TTLL10: variants seen among roughly 807,000 people sequenced by gnomAD.
The protein encoded by TTLL10 is tubulin tyrosine ligase like 10, also known as inactive polyglycylase TTLL10.
Under a neutral mutation model 69.0 loss-of-function variants are expected in TTLL10, and 61 were observed. The observed-to-expected ratio is 0.88, with a 90% confidence interval of 0.72 to 1.09. The LOEUF (loss-of-function observed/expected upper bound fraction) is 1.09, where lower values mean the gene tolerates loss of function less well. Among genes scored for constraint, TTLL10 ranks in the 50% least tolerant of loss-of-function variants. TTLL10 has a pLI of 0.00. For missense variants in TTLL10, 962 were observed against 945.9 expected (o/e 1.02, Z -0.22); for synonymous variants, 408 against 393.3 (o/e 1.04, Z -0.44).
Position 1,181,914 on chromosome 1 carries a change from A to C in TTLL10, c.830+99A>C. ...GAAAGCGGGGCGGGGGTCCCACACAAAGGAAAACCACGAGCTAGAGTCAGA... is the reference window on the plus strand; with the variant it reads ...GAAAGCGGGGCGGGGGTCCCACACACAGGAAAACCACGAGCTAGAGTCAGA... On this transcript the variant is annotated intron_variant, in intron 9 of 15. Coordinates refer to ENST00000379289, the MANE Select transcript of TTLL10 (RefSeq NM_001130045.2). This position sits in a 1 kb window ranked among gnomAD's most constrained non-coding sequence, Gnocchi z 4.6. 1 of 1,131,706 alleles carries C rather than the reference A, an allele frequency of 8.8e-7. No individual in the cohort carries two copies. The highest frequency in any genetic ancestry group is 1.3e-6 in the Non-Finnish European group (1 of 780,736). The allele number at this position is 1,131,706 out of a possible 1,614,324, so 70.1% of individuals were successfully genotyped here.
chr1:1,197,067 G>A (rs2100927568), intron 14 of TTLL10, 26 bp from the exon 15 acceptor site: 2 of 1,550,414 alleles, frequency 1.3e-6, no homozygotes, highest in Non-Finnish European at 1.7e-6. Flanking sequence ...TCGGGGTGAG[G>A]AGGGACTGAC....
At chr1:1,184,729 T>A (rs1483564655) in intron 12 of TTLL10, among the ~76,000 whole-genome samples, 1 of 141,406 alleles carries the variant, frequency 7.1e-6, no homozygotes, top group Non-Finnish European at 1.5e-5. Context: ...TGGGAGCCAG[T>A]CTCCAGGCAC....
Position 1,179,920 on chromosome 1 carries a change from G to A in TTLL10, c.200-114G>A, listed in dbSNP as rs903219030. Reference sequence around the variant, plus strand: ...CTGAACTTGAGCCCCAGACGGGCCAGGGGGATTGTCCAGGGTATTGGAGAA... The same window carrying A: ...CTGAACTTGAGCCCCAGACGGGCCAAGGGGATTGTCCAGGGTATTGGAGAA... On this transcript the variant is annotated intron_variant, in intron 5 of 15. Coordinates refer to ENST00000379289, the MANE Select transcript of TTLL10 (RefSeq NM_001130045.2). 2.1e-6 allele frequency: 3 copies of A among 1,438,846 alleles called. No individual in the cohort carries two copies. The African/African-American group carries it at 4.3e-5, about 21-fold the overall frequency. The allele number at this position is 1,438,846 out of a possible 1,614,324, so 89.1% of individuals were successfully genotyped here.
chr1:1,189,968 T>C (rs12029885), intron 13 of TTLL10, among the ~76,000 whole-genome samples: 21,354 of 151,782 alleles, frequency 0.14, 2,569 homozygotes, highest in East Asian at 0.59. Flanking sequence ...AAAAATTAGC[T>C]GGGCGTGGTG....
In TTLL10 at chr1:1,180,074, G is replaced by A. The variant is rs11811498; in HGVS notation, c.240G>A (p.Glu80=). ...GGCCAATGGGGAGCAGCCAGGAGGAGGGACTCCGGTGTCAGCCAAGCCAGC... is the reference window on the plus strand; with the variant it reads ...GGCCAATGGGGAGCAGCCAGGAGGAAGGACTCCGGTGTCAGCCAAGCCAGC... ...HERPMGSSQE[E]GLRCQPSQPD... The change falls in exon 6 of 16, where the codon GAG becomes GAA. Residue 80 remains glutamate (E), a synonymous_variant. Transcript: ENST00000379289. 4.7e-5 allele frequency: 76 copies of A among 1,600,186 alleles called. No individual in the cohort carries two copies. The African/African-American group carries it at 8.4e-4, about 18-fold the overall frequency.
intron 13 of TTLL10, among the ~76,000 whole-genome samples, chr1:1,195,269 GTGTGAAGCCAC>G (rs1257198503): frequency 2.6e-5 from 4 of 151,438 alleles, no homozygotes; most frequent in Non-Finnish European, 5.9e-5. Flanking sequence ...GGGATTACAG[GTGTGAAGCCAC>G]TGCACCCGGC....
In TTLL10 at chr1:1,186,329, C is replaced by T. The variant is rs111966405; in HGVS notation, c.1401+1220C>T. 9.5e-3 allele frequency among the ~76,000 whole-genome samples: 1,442 copies of T among 152,192 alleles called. 26 individuals carry two copies. The highest frequency in any genetic ancestry group is 0.031 in the African/African-American group (1,274 of 41,506). ...GTCTCAAACTCCTGACCTCAGGTGA[C>T]CCGCCCGCCTCAGCCTCCCAAAGTG... is the stretch of plus-strand genomic sequence containing the variant. On this transcript the variant is annotated intron_variant, in intron 13 of 15. Transcript: ENST00000379289.
At chr1:1,183,127 G>A (rs1037445794) in intron 11 of TTLL10, 80 bp downstream of exon 11, 53 of 1,471,724 alleles carry the variant, frequency 3.6e-5, no homozygotes, top group Middle Eastern at 2.3e-4. Flanking sequence ...CAGGGCCGCC[G>A]AGGAGCCCTT....
At chr1:1,174,149 G>A (rs1330702559) in intron 1 of TTLL10, 136 bp from the exon 2 acceptor site, 4 of 152,326 alleles carry the variant, frequency 2.6e-5, no homozygotes, top group Non-Finnish European at 4.4e-5. Flanking sequence ...GCCGGGGAAC[G>A]GTGTGTGTAC....
Position 1,180,584 on chromosome 1 carries a change from ACGG to A in TTLL10, c.610_612del (p.Gly204del). 6.4e-7 allele frequency: 1 copy of A among 1,551,630 alleles called. No individual in the cohort carries two copies. Among genetic ancestry groups the A allele is most frequent in the Non-Finnish European group, 8.7e-7 (1 of 1,147,264 alleles). On this transcript the variant is annotated inframe_deletion, in exon 7 of 16. Transcript: ENST00000379289. ...TGTGAGGTCAAGAGCCGAGACAGCT[ACGG>A]CAGCTTCCGGGAAGGTAGCGGGAGC...
intron 8 of TTLL10, 34 bp downstream of exon 8, chr1:1,180,894 C>A: frequency 6.6e-7 from 1 of 1,513,556 alleles, no homozygotes; most frequent in Non-Finnish European, 8.9e-7. Context: ...CCCGTCCCTG[C>A]GCCCGCCCCT....
In TTLL10 at chr1:1,185,805, A is replaced by G; in HGVS notation, c.1401+696A>G. 10 of 985,456 alleles carry G rather than the reference A, an allele frequency of 1.0e-5. No individual in the cohort carries two copies. The highest frequency in any genetic ancestry group is 1.2e-5 in the Non-Finnish European group (10 of 829,942). 61.0% of individuals were successfully genotyped at this position (985,456 alleles called of 1,614,324 possible). A position where few individuals can be genotyped will look rare whatever the true frequency, so the allele number is the denominator to read the frequency against. On this transcript the variant is annotated intron_variant, in intron 13 of 15. Transcript: ENST00000379289. The surrounding 1 kb of genome is among the most constrained non-coding windows in gnomAD (Gnocchi z 6.1). ...AGGAGCCTCCAGTTACTTTCCTCAC[A>G]TCTCCCAAACTCTCTCTTAATTGCG...
chr1:1,194,265 C>T (rs1418896829), intron 13 of TTLL10, among the ~76,000 whole-genome samples: 1 of 152,234 alleles, frequency 6.6e-6, no homozygotes, highest in Non-Finnish European at 1.5e-5. Flanking sequence ...AAACACTCCT[C>T]CTACACAGCC....
chr1:1,196,437 G>A (rs1274301480), intron 13 of TTLL10, 163 bp from the exon 14 acceptor site: 1 of 616,696 alleles, frequency 1.6e-6, no homozygotes, highest in East Asian at 2.8e-5. Context: ...GTTTCTGGCT[G>A]TGAACCTGTG....
At chr1:1,178,119 T>C (rs1421929549) in intron 3 of TTLL10, among the ~76,000 whole-genome samples, 1 of 152,158 alleles carries the variant, frequency 6.6e-6, no homozygotes, top group Non-Finnish European at 1.5e-5. Context: ...AAAGGCTTCC[T>C]GCGGGTGAGA....
chr1:1,179,856 A>G, intron 5 of TTLL10, 119 bp downstream of exon 5: 1 of 1,446,482 alleles, frequency 6.9e-7, no homozygotes, highest in Non-Finnish European at 9.1e-7. Context: ...CCCCAGATGT[A>G]AGCAGTCCCC....
chr1:1,187,574 G>C (rs1201913255), intron 13 of TTLL10, among the ~76,000 whole-genome samples: 2 of 152,220 alleles, frequency 1.3e-5, no homozygotes, highest in East Asian at 3.9e-4. Flanking sequence ...AGGTAGCTGT[G>C]AGCCAAGATC....
Position 1,197,030 on chromosome 1 carries a change from C to T in TTLL10, c.1519-63C>T, listed in dbSNP as rs1252035064. 14 of 1,447,572 alleles carry T rather than the reference C, an allele frequency of 9.7e-6. No individual in the cohort carries two copies. In the East Asian group the frequency reaches 3.5e-4, roughly 36 times the overall value. The allele number at this position is 1,447,572 out of a possible 1,614,324, so 89.7% of individuals were successfully genotyped here. On this transcript the variant is annotated intron_variant, in intron 14 of 15. Coordinates refer to ENST00000379289, the MANE Select transcript of TTLL10 (RefSeq NM_001130045.2). ...CCATCTGTCTGAATGAGGACCAGGG[C>T]CTCTGCCTCCTGCTGGCCCAGTGGG... is the stretch of plus-strand genomic sequence containing the variant.
At chr1:1,188,039 A>C (rs1647475148) in intron 13 of TTLL10, among the ~76,000 whole-genome samples, 1 of 152,224 alleles carries the variant, frequency 6.6e-6, no homozygotes, top group Non-Finnish European at 1.5e-5. Flanking sequence ...GGTGTGAGTT[A>C]GGGATCCAAC....
Sources: allele counts gnomAD v4.1 joint callset (sites outside exome capture counted in the v4.1 genomes callset), GRCh38; gene constraint gnomAD v4.1.1; non-coding constraint Gnocchi (gnomAD v3.1); transcripts MANE v1.5; gene names NCBI Gene and HGNC (gene_info 2026-07-23, HGNC 2026-07-21).